The following TAFA5 variants were observed in gnomAD, a reference collection of about 807,000 sequenced individuals.
TAFA5 encodes TAFA chemokine like family member 5.
A neutral mutation model predicts 15.3 loss-of-function variants in TAFA5; 6 were observed. That is an observed-to-expected ratio of 0.39 (90% CI 0.21 to 0.77). The LOEUF (loss-of-function observed/expected upper bound fraction) is 0.77. Among genes scored for constraint, TAFA5 ranks in the 30% least tolerant of loss-of-function variants. TAFA5 has a pLI of 0.41. For missense variants in TAFA5, 161 were observed against 193.1 expected (o/e 0.83, Z 0.98); for synonymous variants, 103 against 80.7 (o/e 1.28, Z -1.48).
At chr22:48,634,889 C>G (rs1229847381) in intron 1 of TAFA5, among the ~76,000 whole-genome samples, 1 of 152,234 alleles carries the variant, frequency 6.6e-6, no homozygotes, top group Admixed American at 6.5e-5. Flanking sequence ...CAGGAAGGAG[C>G]CAGCCCATGG....
At chr22:48,587,875 G>T (rs1297658891) in intron 1 of TAFA5, among the ~76,000 whole-genome samples, 1 of 152,258 alleles carries the variant, frequency 6.6e-6, no homozygotes, top group Non-Finnish European at 1.5e-5. Context: ...CCTTCTGCCT[G>T]CCCTCAGGGG....
intron 1 of TAFA5, among the ~76,000 whole-genome samples, chr22:48,603,161 C>T (rs1393801593): frequency 6.6e-6 from 1 of 152,220 alleles, no homozygotes; most frequent in African/African-American, 2.4e-5. Flanking sequence ...ACAGGGTCGC[C>T]CCGGAAAAAT....
chr22:48,548,958 A>G (rs1225470478), intron 1 of TAFA5, among the ~76,000 whole-genome samples: 4 of 152,228 alleles, frequency 2.6e-5, no homozygotes, highest in Non-Finnish European at 4.4e-5. Flanking sequence ...CTTCACACCC[A>G]TGCTGGAAGA....
intron 1 of TAFA5, among the ~76,000 whole-genome samples, chr22:48,504,558 G>C (rs560752316): frequency 3.9e-5 from 6 of 152,254 alleles, no homozygotes; most frequent in Admixed American, 3.3e-4. Flanking sequence ...CATGCTGTCA[G>C]ACTGGCTCAG....
intron 1 of TAFA5, among the ~76,000 whole-genome samples, chr22:48,632,543 C>T (rs1253193445): frequency 6.6e-6 from 1 of 151,186 alleles, no homozygotes; most frequent in East Asian, 1.9e-4. Context: ...GCCACCCTTG[C>T]GGGGATACTA....
At chr22:48,553,621 C>T (rs1601574936) in intron 1 of TAFA5, among the ~76,000 whole-genome samples, 1 of 152,270 alleles carries the variant, frequency 6.6e-6, no homozygotes. Flanking sequence ...GTCCCCCACC[C>T]GGGGCCCAGA....
At chr22:48,575,047 G>T (rs1045291972) in intron 1 of TAFA5, among the ~76,000 whole-genome samples, 1 of 152,170 alleles carries the variant, frequency 6.6e-6, no homozygotes, top group Non-Finnish European at 1.5e-5. Context: ...CAGATGTGCC[G>T]TTTTCAGAAG....
intron 1 of TAFA5, among the ~76,000 whole-genome samples, chr22:48,616,642 G>A (rs1184461509): frequency 6.6e-6 from 1 of 152,248 alleles, no homozygotes; most frequent in African/African-American, 2.4e-5. Flanking sequence ...AGGCCGGATG[G>A]GCTGCACTTT....
intron 1 of TAFA5, among the ~76,000 whole-genome samples, chr22:48,633,277 T>C (rs184788058): frequency 3.1e-4 from 47 of 151,968 alleles, no homozygotes; most frequent in Non-Finnish European, 1.5e-5. Context: ...GCAGGGAGAG[T>C]GTTCCAGCAT....
At chr22:48,727,417 T>C (rs190320582) in intron 3 of TAFA5, among the ~76,000 whole-genome samples, 1 of 152,324 alleles carries the variant, frequency 6.6e-6, no homozygotes, top group Admixed American at 6.5e-5. Flanking sequence ...AGAAATGATG[T>C]AGTCATTAAG....
intron 1 of TAFA5, among the ~76,000 whole-genome samples, chr22:48,498,775 C>A (rs1484310431): frequency 6.6e-6 from 1 of 152,190 alleles, no homozygotes; most frequent in African/African-American, 2.4e-5. Flanking sequence ...GTCTCTGGAC[C>A]TTGCCGCCTG....
Position 48,490,328 on chromosome 22 carries a change from C to T in TAFA5, c.112+624C>T, listed in dbSNP as rs1928102439. 6.6e-6 allele frequency among the ~76,000 whole-genome samples: 1 copy of T among 151,980 alleles called. No homozygotes were observed. Among genetic ancestry groups the T allele is most frequent in the South Asian group, 2.1e-4 (1 of 4,820 alleles). On this transcript the variant is annotated intron_variant, in intron 1 of 3. Transcript: ENST00000402357. This position sits in a 1 kb window ranked among gnomAD's most constrained non-coding sequence, Gnocchi z 5.8. ...ACGTTTCTCGGGTCGTGTCTGGGGC[C>T]CGAGCTGGTGACCGGCGGGACTGGC... is the stretch of plus-strand genomic sequence containing the variant.
intron 1 of TAFA5, among the ~76,000 whole-genome samples, chr22:48,495,079 C>T (rs546083782): frequency 2.6e-5 from 4 of 152,298 alleles, no homozygotes; most frequent in East Asian, 1.9e-4. Flanking sequence ...ATGGCAGCCC[C>T]GCAGTGATTC....
At chr22:48,733,008 G>T (rs1929911745) in intron 3 of TAFA5, among the ~76,000 whole-genome samples, 1 of 152,152 alleles carries the variant, frequency 6.6e-6, no homozygotes. Flanking sequence ...GTAGACTGCA[G>T]TATAATATAA....
chr22:48,678,472 C>G (rs1928048024), intron 2 of TAFA5, among the ~76,000 whole-genome samples: 1 of 152,116 alleles, frequency 6.6e-6, no homozygotes, highest in East Asian at 1.9e-4. Context: ...AATGCTGAGG[C>G]CTGTGGTCCA....
chr22:48,633,245 C>A (rs971131400), intron 1 of TAFA5, among the ~76,000 whole-genome samples: 3 of 152,172 alleles, frequency 2.0e-5, no homozygotes, highest in African/African-American at 7.2e-5. Context: ...GAGGAGGGCA[C>A]GAATGTCATC....
intron 1 of TAFA5, among the ~76,000 whole-genome samples, chr22:48,604,330 G>A (rs527449422): frequency 1.3e-5 from 2 of 152,344 alleles, no homozygotes; most frequent in Admixed American, 6.5e-5. Flanking sequence ...TGTGACATGG[G>A]CATGTCACCA....
At chr22:48,644,369 A>G (rs1447204580) in intron 1 of TAFA5, among the ~76,000 whole-genome samples, 1 of 152,170 alleles carries the variant, frequency 6.6e-6, no homozygotes, top group African/African-American at 2.4e-5. Context: ...CGCACCAGCC[A>G]TGACTCAGCA....
In TAFA5 at chr22:48,573,730, CT is replaced by C. The variant is rs539015172; in HGVS notation, c.113-72859del. On this transcript the variant is annotated intron_variant, in intron 1 of 3. Coordinates refer to ENST00000402357, the MANE Select transcript of TAFA5 (RefSeq NM_001082967.3). ...GGGCCTGCCTCTATTTATGAACTTT[CT>C]TTTTTTTCTCCTTTATCCTCTTTAA... Among the ~76,000 whole-genome samples the C allele has an allele frequency of 3.1e-3, 479 of 152,216 alleles. 4 individuals carry two copies. The highest frequency in any genetic ancestry group is 0.011 in the African/African-American group (446 of 41,512).
Sources: allele counts gnomAD v4.1 joint callset (sites outside exome capture counted in the v4.1 genomes callset), GRCh38; gene constraint gnomAD v4.1.1; non-coding constraint Gnocchi (gnomAD v3.1); transcripts MANE v1.5; gene names NCBI Gene and HGNC (gene_info 2026-07-23, HGNC 2026-07-21).